ZNF273: variants seen among roughly 807,000 people sequenced by gnomAD.
The protein encoded by ZNF273 is zinc finger protein 9.
ZNF273 carries 11 observed loss-of-function variants against 14.9 expected under a neutral mutation model. The observed-to-expected ratio is 0.74, with a 90% CI of 0.46 to 1.22. The LOEUF (loss-of-function observed/expected upper bound fraction) is 1.22, where lower values mean the gene tolerates loss of function less well. Among genes scored for constraint, ZNF273 ranks in the 50% most tolerant of loss-of-function variants. The pLI is 0.00. For synonymous variants in ZNF273, 199 were observed against 223.9 expected (o/e 0.89, Z 0.99); for missense variants, 577 against 660.6 (o/e 0.87, Z 1.39).
Position 64,927,731 on chromosome 7 carries a change from A to G in ZNF273, c.403A>G (p.Arg135Gly), listed in dbSNP as rs1204547993. The G allele has an allele frequency of 1.2e-5, 19 of 1,612,696 alleles. No individual in the cohort carries two copies. The highest frequency in any genetic ancestry group is 1.4e-5 in the Non-Finnish European group (17 of 1,179,692). ...KDSFQKVILR[R>G]YGKYGHENLQ... Reference sequence around the variant, plus strand: ...TTCTTTTCAAAAAGTGATACTGAGAAGATATGGAAAATATGGACATGAGAA... The same window carrying G: ...TTCTTTTCAAAAAGTGATACTGAGAGGATATGGAAAATATGGACATGAGAA... Residue 135 changes from arginine to glycine, a missense_variant, in exon 4 of 4, where the codon AGA becomes GGA. Physicochemically the swap from Arg to Gly is moderately radical, Grantham distance 125. Around this residue, in one of 3 missense-constraint regions of ZNF273, gnomAD observed 162 missense variants for 203.5 expected, o/e 0.80. Transcript: ENST00000476120.
intron 3 of ZNF273, among the ~76,000 whole-genome samples, chr7:64,923,091 T>C (rs1336567718): frequency 1.3e-5 from 2 of 152,200 alleles, no homozygotes; most frequent in African/African-American, 2.4e-5. Flanking sequence ...ACAAAGCTAG[T>C]CTCAACACAT....
intron 3 of ZNF273, among the ~76,000 whole-genome samples, chr7:64,922,160 C>T (rs1239347464): frequency 1.9e-4 from 27 of 139,884 alleles, no homozygotes; most frequent in Admixed American, 4.5e-4. Flanking sequence ...TATTTATTTT[C>T]GAGATAGGAT....
At chr7:64,914,182 A>ATTTTTTTTTTT (rs375695781) in intron 1 of ZNF273, among the ~76,000 whole-genome samples, 1 of 70,890 alleles carries the variant, frequency 1.4e-5, no homozygotes, top group African/African-American at 6.6e-5. Context: ...TAATTTTTGT[A>ATTTTTTTTTTT]TTTTTTTTTT....
At chr7:64,911,743 A>G (rs1793530981) in intron 1 of ZNF273, among the ~76,000 whole-genome samples, 1 of 151,928 alleles carries the variant, frequency 6.6e-6, no homozygotes, top group African/African-American at 2.4e-5. Context: ...TTCAGTTCAC[A>G]TCTGATTTTA....
chr7:64,914,271 A>C (rs1164075629), intron 1 of ZNF273, among the ~76,000 whole-genome samples: 1 of 139,550 alleles, frequency 7.2e-6, no homozygotes, highest in East Asian at 2.1e-4. Context: ...TCCTGACCTC[A>C]GGTGATCCAC....
At chr7:64,892,205 A>C (rs1792076390), downstream of ZNF273, among the ~76,000 whole-genome samples, 1 of 152,224 alleles carries the variant, frequency 6.6e-6, no homozygotes, top group Non-Finnish European at 1.5e-5. Context: ...GACAAAAAAA[A>C]CAGTATTCAA....
chr7:64,933,073 G>C (rs11773228), downstream of ZNF273, among the ~76,000 whole-genome samples: 60,403 of 151,964 alleles, frequency 0.4, 13,512 homozygotes, highest in South Asian at 0.49. Context: ...CCAGGTTCAA[G>C]CTGTTCTCCT....
chr7:64,889,689 C>T (rs898378812), downstream of ZNF273: 3 of 985,822 alleles, frequency 3.0e-6, no homozygotes, highest in East Asian at 2.3e-4. This position sits in a 1 kb window ranked among gnomAD's most constrained non-coding sequence, Gnocchi z 4.2. Context: ...CCCTCCGCCC[C>T]GCAAACGCTC....
chr7:64,901,212 A>G (rs1792693543), upstream of ZNF273, among the ~76,000 whole-genome samples: 2 of 152,158 alleles, frequency 1.3e-5, no homozygotes, highest in South Asian at 2.1e-4. Flanking sequence ...CATGTTGGCC[A>G]GGCTGGTCTC....
chr7:64,907,949 C>G (rs1020403652), intron 1 of ZNF273, among the ~76,000 whole-genome samples: 2 of 152,230 alleles, frequency 1.3e-5, no homozygotes, highest in Non-Finnish European at 2.9e-5. Context: ...ACGCACTAGA[C>G]ATTGATGTGT....
At chr7:64,919,486 CA>C (rs1447146863) in intron 3 of ZNF273, among the ~76,000 whole-genome samples, 3 of 151,782 alleles carry the variant, frequency 2.0e-5, no homozygotes, top group Admixed American at 1.3e-4. Context: ...ACTAAAAATA[CA>C]AAAAATAAGC....
intron 3 of ZNF273, chr7:64,924,293 A>T (rs1448056904): frequency 1.3e-5 from 2 of 152,198 alleles, no homozygotes; most frequent in African/African-American, 2.4e-5. Flanking sequence ...AAGGGTGTGT[A>T]TCTTAATGTT....
At chr7:64,881,748 G>C (rs1791261912), downstream of ZNF273, among the ~76,000 whole-genome samples, 1 of 152,160 alleles carries the variant, frequency 6.6e-6, no homozygotes, top group Non-Finnish European at 1.5e-5. Context: ...GTGGGGGCTG[G>C]GGTTGTTTGA....
upstream of ZNF273, chr7:64,903,268 C>G (rs1459727690): frequency 1.4e-6 from 2 of 1,478,078 alleles, no homozygotes; most frequent in Non-Finnish European, 1.9e-6. Context: ...TTTGGCGGGG[C>G]CTTTGTCTCT....
intron 2 of ZNF273, among the ~76,000 whole-genome samples, chr7:64,878,963 T>G (rs1791183943): frequency 6.6e-6 from 1 of 152,240 alleles, no homozygotes; most frequent in Non-Finnish European, 1.5e-5. Context: ...GCTGCGATAC[T>G]GTTGGAACGG....
rs1376844968 is a variant in ZNF273 at position 64,929,799 on chromosome 7, A to T, written c.*761A>T. 1 of 152,346 alleles carries T rather than the reference A, an allele frequency of 6.6e-6. No homozygotes were observed. The highest frequency in any genetic ancestry group is 1.5e-5 in the Non-Finnish European group (1 of 68,224). 9.4% of individuals were successfully genotyped at this position (152,346 alleles called of 1,614,324 possible). A position where few individuals can be genotyped will look rare whatever the true frequency, so the allele number is the denominator to read the frequency against. ...AAATTACAGGTTTTTTGAAAAGTGAATAATGTAATTCAACTCTCAAATTCA... is the reference window on the plus strand; with the variant it reads ...AAATTACAGGTTTTTTGAAAAGTGATTAATGTAATTCAACTCTCAAATTCA... On this transcript the variant is annotated 3_prime_UTR_variant, in exon 4 of 4. Transcript: ENST00000476120.
chr7:64,927,680 C>CT lies in ZNF273; in HGVS notation c.355dup (p.Trp119LeufsTer24). 1 of 1,587,474 alleles carries CT rather than the reference C, an allele frequency of 6.3e-7. No individual in the cohort carries two copies. Among genetic ancestry groups the CT allele is most frequent in the Non-Finnish European group, 8.5e-7 (1 of 1,170,042 alleles). ...TGTGTGTTCTCATTTTGCCCAAGAC[C>CT]TTTGGCCAAAGCAGGGCTTAAAAGA... On this transcript the variant is annotated frameshift_variant, in exon 4 of 4. Coordinates refer to ENST00000476120, the MANE Select transcript of ZNF273 (RefSeq NM_021148.3). LOFTEE classifies it low-confidence loss of function (END_TRUNC).
intron 1 of ZNF273, chr7:64,916,944 T>C (rs907609610): frequency 1.7e-6 from 2 of 1,161,432 alleles, no homozygotes; most frequent in African/African-American, 1.6e-5. Context: ...AACCATCACA[T>C]TTAATCTGGA....
At chr7:64,894,853 G>C (rs560158246), downstream of ZNF273, among the ~76,000 whole-genome samples, 3 of 152,080 alleles carry the variant, frequency 2.0e-5, no homozygotes, top group Non-Finnish European at 4.4e-5. Flanking sequence ...GATCGGGCCG[G>C]GCACGGTGGC....
Sources: gnomAD v4.1 joint callset for allele counts (sites outside exome capture counted in the v4.1 genomes callset) on GRCh38, gnomAD v4.1.1 for gene constraint, gnomAD v4.1.1 regional missense constraint, Gnocchi (gnomAD v3.1) non-coding constraint, MANE v1.5 for transcripts, NCBI Gene and HGNC (gene_info 2026-07-23, HGNC 2026-07-21) for gene names.